The following PCDHA2 variants were observed in gnomAD, a reference collection of about 807,000 sequenced individuals.
The protein encoded by PCDHA2 is protocadherin alpha 2.
In PCDHA2, 58 loss-of-function variants were observed where a neutral mutation model predicts 66.0. That is an observed-to-expected ratio of 0.88 (90% confidence interval 0.71 to 1.09). The LOEUF (loss-of-function observed/expected upper bound fraction) is 1.09. Ranked by LOEUF, PCDHA2 falls within the 50% of genes least tolerant of loss-of-function variation. The pLI is 0.00. For missense variants in PCDHA2, 1,267 were observed against 1,242.3 expected (o/e 1.02, Z -0.30); for synonymous variants, 634 against 554.0 (o/e 1.14, Z -2.03).
intron 1 of PCDHA2, among the ~76,000 whole-genome samples, chr5:140,903,607 A>G (rs938837767): frequency 6.6e-6 from 1 of 152,254 alleles, no homozygotes; most frequent in Non-Finnish European, 1.5e-5. Context: ...TGCTTAATAC[A>G]CATGAATGTG....
chr5:140,858,506 A>C (rs1581511575), intron 1 of PCDHA2: 1 of 1,447,272 alleles, frequency 6.9e-7, no homozygotes, highest in Non-Finnish European at 9.5e-7. Context: ...CATTTTCTCA[A>C]ATATGTATCA....
intron 1 of PCDHA2, chr5:140,967,902 C>T: frequency 6.2e-7 from 1 of 1,614,192 alleles, no homozygotes; most frequent in East Asian, 2.2e-5. Flanking sequence ...GAGAATGCTA[C>T]ACCCAACACC....
rs1554263082 is a variant in PCDHA2 at position 141,010,709 on chromosome 5, TG to T, written c.*773del. 2 of 154,830 alleles carry T rather than the reference TG, an allele frequency of 1.3e-5. No individual in the cohort carries two copies. Among genetic ancestry groups the T allele is most frequent in the African/African-American group, 2.4e-5 (1 of 41,516 alleles). The allele number at this position is 154,830 out of a possible 1,614,324, so 9.6% of individuals were successfully genotyped here. On this transcript the variant is annotated 3_prime_UTR_variant, in exon 4 of 4. Transcript: ENST00000526136. Reference sequence around the variant, plus strand: ...TCTGATGTGTTTCCTATACATGTCCTGTGCTCACTTTATTAAAAATTCTTTT... The same window carrying T: ...TCTGATGTGTTTCCTATACATGTCCTTGCTCACTTTATTAAAAATTCTTTT...
chr5:140,989,665 T>C (rs2097353443), intron 3 of PCDHA2, among the ~76,000 whole-genome samples: 1 of 152,190 alleles, frequency 6.6e-6, no homozygotes, highest in Non-Finnish European at 1.5e-5. Context: ...TAAAAGAAAC[T>C]CTGCCCAGAT....
At chr5:140,849,809 G>A (rs147465571) in intron 1 of PCDHA2, 3 of 1,598,384 alleles carry the variant, frequency 1.9e-6, no homozygotes, top group East Asian at 2.2e-5. Context: ...TGTGGGCCAC[G>A]GCCAGGGTGT....
chr5:140,836,185 C>T, intron 1 of PCDHA2: 1 of 1,613,828 alleles, frequency 6.2e-7, no homozygotes, highest in Non-Finnish European at 8.5e-7. Context: ...GACGCTGACT[C>T]AGGCTACAAC....
intron 3 of PCDHA2, among the ~76,000 whole-genome samples, chr5:140,990,194 G>A (rs2097380047): frequency 6.6e-6 from 1 of 152,076 alleles, no homozygotes; most frequent in Non-Finnish European, 1.5e-5. Context: ...ACCAAATGTG[G>A]ACCCGAAAGA....
At position 140,870,696 on chromosome 5, in the gene PCDHA2, G is replaced by A. The variant is rs377050637; in HGVS notation, c.2388+73344G>A. The A allele has an allele frequency of 1.1e-5, 17 of 1,612,906 alleles. No individual in the cohort carries two copies. The African/African-American group carries it at 1.9e-4, about 18-fold the overall frequency. ...ACCACGAGGAGCTGGAGCTGCTACA[G>A]TTCCAGGTGAGCGCGCGCGATGCGG... On this transcript the variant is annotated intron_variant, in intron 1 of 3. Coordinates refer to ENST00000526136, the MANE Select transcript of PCDHA2 (RefSeq NM_018905.3).
chr5:140,835,557 C>T, intron 1 of PCDHA2: 2 of 1,613,936 alleles, frequency 1.2e-6, no homozygotes, highest in Admixed American at 1.7e-5. Context: ...CCTGACGCCC[C>T]GCGTTCCCTT....
At position 140,855,909 on chromosome 5, in the gene PCDHA2, A is replaced by C. The variant is rs1554148009; in HGVS notation, c.2388+58557A>C. The stretch of plus-strand genomic sequence containing the variant: ...GAACAAAGGCATCAGCCAGTTTCTC[A>C]AGGACTAGGAAGTAGCGTCATTCTG... On this transcript the variant is annotated intron_variant, in intron 1 of 3. Coordinates refer to ENST00000526136, the MANE Select transcript of PCDHA2 (RefSeq NM_018905.3). The C allele has an allele frequency of 6.1e-6, 7 of 1,151,572 alleles. 1 individual carries two copies. The highest frequency in any genetic ancestry group is 4.6e-5 in the African/African-American group (3 of 65,014). 71.3% of individuals were successfully genotyped at this position (1,151,572 alleles called of 1,614,324 possible). A position where few individuals can be genotyped will look rare whatever the true frequency, so the allele number is the denominator to read the frequency against.
intron 1 of PCDHA2, among the ~76,000 whole-genome samples, chr5:140,934,476 AATTAT>A (rs2089852464): frequency 6.6e-6 from 1 of 152,124 alleles, no homozygotes. Flanking sequence ...TTATTTTGAA[AATTAT>A]ATTCACCTCA....
rs781941183 is a variant in PCDHA2, at chr5:140,884,613, C to T, written c.2388+87261C>T. On this transcript the variant is annotated intron_variant, in intron 1 of 3. Transcript: ENST00000526136. ...CCCAGCCTTCCTCCTTGTCTGGGTT[C>T]TGCAGAGGGAACAGGCCAGAGGGAG... 3 of 1,614,086 alleles carry T rather than the reference C, an allele frequency of 1.9e-6. No individual in the cohort carries two copies. The South Asian group carries it at 3.3e-5, about 18-fold the overall frequency.
chr5:140,995,861 A>G (rs2097700846), intron 3 of PCDHA2, among the ~76,000 whole-genome samples: 1 of 152,220 alleles, frequency 6.6e-6, no homozygotes. Context: ...GTATCACTTA[A>G]TAATTGTGCA....
intron 1 of PCDHA2, chr5:140,821,411 G>A (rs966320829): frequency 1.1e-5 from 2 of 178,732 alleles, no homozygotes; most frequent in Non-Finnish European, 2.4e-5. Context: ...TTAAGATAGA[G>A]TTTAATGATA....
chr5:140,954,161 C>G (rs2094990748), intron 1 of PCDHA2, among the ~76,000 whole-genome samples: 1 of 152,200 alleles, frequency 6.6e-6, no homozygotes, highest in African/African-American at 2.4e-5. Context: ...ATATGTACCA[C>G]ATTTTCTTTA....
intron 1 of PCDHA2, chr5:140,830,417 C>T: frequency 1.2e-6 from 2 of 1,614,096 alleles, no homozygotes; most frequent in Non-Finnish European, 1.7e-6. Flanking sequence ...TAGCCCCAGC[C>T]TTTCACCTTG....
At chr5:140,805,226 G>C (rs1763529564) in intron 1 of PCDHA2, 1 of 1,393,956 alleles carries the variant, frequency 7.2e-7, no homozygotes, top group Non-Finnish European at 9.3e-7. Flanking sequence ...TTTCTATTCT[G>C]CTGCATTCCC....
At chr5:140,915,766 T>G (rs2077298451) in intron 1 of PCDHA2, among the ~76,000 whole-genome samples, 1 of 151,974 alleles carries the variant, frequency 6.6e-6, no homozygotes, top group African/African-American at 2.4e-5. Context: ...CTGGGTCTTG[T>G]CCAAGGCCTG....
chr5:141,010,225 C>T lies in PCDHA2; in HGVS notation c.*288C>T. The T allele has an allele frequency of 6.4e-7, 1 of 1,551,848 alleles. No homozygotes were observed. The highest frequency in any genetic ancestry group is 8.7e-7 in the Non-Finnish European group (1 of 1,147,026). The stretch of plus-strand genomic sequence containing the variant: ...CCGCCGCAAAGGAGAGGCTTCCCAG[C>T]CCCGCCAGTGAGAGGTTGGACTCTC... On this transcript the variant is annotated 3_prime_UTR_variant, in exon 4 of 4. Coordinates refer to ENST00000526136, the MANE Select transcript of PCDHA2 (RefSeq NM_018905.3).
Sources: allele counts gnomAD v4.1 joint callset (sites outside exome capture counted in the v4.1 genomes callset), GRCh38; gene constraint gnomAD v4.1.1; transcripts MANE v1.5; gene names NCBI Gene and HGNC (gene_info 2026-07-23, HGNC 2026-07-21).